Variants in SLIT3 observed in about 807,000 individuals in gnomAD.
SLIT3 encodes slit homolog 3 protein.
SLIT3 carries 68 observed loss-of-function variants against 184.0 expected under a neutral mutation model. The observed-to-expected ratio is 0.37, with a 90% CI of 0.30 to 0.45. SLIT3 has a LOEUF of 0.45. Among genes scored for constraint, SLIT3 ranks in the 20% least tolerant of loss-of-function variants. The pLI is 1.00. For synonymous variants in SLIT3, 831 were observed against 828.6 expected (o/e 1.00, Z -0.05); for missense variants, 1,707 against 2,026.0 (o/e 0.84, Z 3.02).
chr5:168,684,015 C>G lies in SLIT3; in HGVS notation c.3637G>C (p.Val1213Leu). ...CTCAGGCTGTCATAGACCAGCCGCA[C>G]GTGGCCCTGGTACAGCTCCAGTGCC... is the stretch of plus-strand genomic sequence containing the variant. The part of the protein sequence containing the change: ...PLALELYQGH[V>L]RLVYDSLSSP... Residue 1213 changes from valine to leucine, a missense_variant, in exon 32 of 36, where the codon GTG becomes CTG. Val to Leu is a conservative substitution (Grantham distance 32, BLOSUM62 1). Around this residue, in one of 3 missense-constraint regions of SLIT3, gnomAD observed 387 missense variants for 477.9 expected, o/e 0.81. Transcript: ENST00000519560. 1 of 1,605,982 alleles carries G rather than the reference C, an allele frequency of 6.2e-7. No homozygotes were observed.
At chr5:168,763,429 A>T (rs1313546085) in intron 14 of SLIT3, among the ~76,000 whole-genome samples, 1 of 152,192 alleles carries the variant, frequency 6.6e-6, no homozygotes, top group Non-Finnish European at 1.5e-5. Context: ...ATTCCAATTT[A>T]AAATGCCGCG....
At chr5:168,851,097 G>T (rs910165540) in intron 5 of SLIT3, among the ~76,000 whole-genome samples, 2 of 152,142 alleles carry the variant, frequency 1.3e-5, no homozygotes, top group East Asian at 3.9e-4. Flanking sequence ...GCCGAGGCAG[G>T]GGGATCATGA....
At position 168,753,851 on chromosome 5, in the gene SLIT3, C is replaced by T. The variant is rs1754801687; in HGVS notation, c.1829+13G>A. Reference sequence around the variant, plus strand: ...CTCTGGGTCTTGGCCCAGGCCCCACCCCAGGCACTCACAAGGTTTTGAGGC... The same window carrying T: ...CTCTGGGTCTTGGCCCAGGCCCCACTCCAGGCACTCACAAGGTTTTGAGGC... On this transcript the variant is annotated intron_variant, in intron 17 of 35. Transcript: ENST00000519560. 3 of 1,608,766 alleles carry T rather than the reference C, an allele frequency of 1.9e-6. No homozygotes were observed. The highest frequency in any genetic ancestry group is 2.2e-5 in the East Asian group (1 of 44,828).
intron 1 of SLIT3, among the ~76,000 whole-genome samples, chr5:169,296,447 C>A (rs533909867): frequency 6.6e-6 from 1 of 152,204 alleles, no homozygotes; most frequent in Admixed American, 6.5e-5. Flanking sequence ...CCACTGGAGG[C>A]GGGTCCACTC....
chr5:168,829,521 A>G (rs981013108), intron 6 of SLIT3, among the ~76,000 whole-genome samples: 1 of 152,188 alleles, frequency 6.6e-6, no homozygotes, highest in African/African-American at 2.4e-5. Context: ...CTACATAAGC[A>G]AGCTGGTTTC....
At chr5:168,696,080 G>A (rs1274285161) in intron 28 of SLIT3, among the ~76,000 whole-genome samples, 1 of 152,218 alleles carries the variant, frequency 6.6e-6, no homozygotes, top group Non-Finnish European at 1.5e-5. Flanking sequence ...TCTGTTTCAA[G>A]TGGGAAGGAG....
intron 4 of SLIT3, among the ~76,000 whole-genome samples, chr5:169,056,140 G>T (rs182839735): frequency 5.9e-5 from 9 of 152,248 alleles, no homozygotes; most frequent in Non-Finnish European, 1.3e-4. Flanking sequence ...TGGAGTGGGG[G>T]TATAAAATCT....
At chr5:168,690,227 C>T (rs963521007) in intron 29 of SLIT3, among the ~76,000 whole-genome samples, 3 of 152,024 alleles carry the variant, frequency 2.0e-5, no homozygotes, top group Non-Finnish European at 2.9e-5. Flanking sequence ...ACCTCCGCCT[C>T]CTGGGTTCAA....
rs993699644 is a variant in SLIT3 at position 168,806,205 on chromosome 5, T to C, written c.935+241A>G. Among the ~76,000 whole-genome samples, 3 of 152,158 alleles carry C rather than the reference T, an allele frequency of 2.0e-5. No homozygotes were observed. The East Asian group carries it at 5.8e-4, about 29-fold the overall frequency. On this transcript the variant is annotated intron_variant, in intron 9 of 35. Transcript: ENST00000519560. ...AGGTATTCAAAAACATTTACAAAAA[T>C]AGGCAGTGGGAACCCCTGGCCCTAG...
At chr5:168,901,314 A>C (rs1760865852) in intron 4 of SLIT3, among the ~76,000 whole-genome samples, 1 of 152,178 alleles carries the variant, frequency 6.6e-6, no homozygotes, top group African/African-American at 2.4e-5. Flanking sequence ...CAGTGAGCTG[A>C]GATGACACCA....
chr5:168,673,583 C>A (rs1020724408), intron 32 of SLIT3, among the ~76,000 whole-genome samples: 1 of 152,182 alleles, frequency 6.6e-6, no homozygotes, highest in African/African-American at 2.4e-5. Flanking sequence ...ATTTCTGAAC[C>A]ATTTAAAGGT....
At chr5:168,927,190 A>C (rs960137270) in intron 4 of SLIT3, among the ~76,000 whole-genome samples, 7 of 152,226 alleles carry the variant, frequency 4.6e-5, no homozygotes, top group African/African-American at 1.7e-4. Context: ...AGCCTTAAAA[A>C]ACAGAAGGAA....
At chr5:169,221,164 AT>A (rs1202240552) in intron 3 of SLIT3, among the ~76,000 whole-genome samples, 2 of 152,096 alleles carry the variant, frequency 1.3e-5, no homozygotes, top group African/African-American at 2.4e-5. Flanking sequence ...CTAGTTTCTG[AT>A]TTCTTTGTAT....
intron 4 of SLIT3, among the ~76,000 whole-genome samples, chr5:169,145,152 T>C (rs1372408680): frequency 6.6e-6 from 1 of 152,176 alleles, no homozygotes; most frequent in African/African-American, 2.4e-5. Flanking sequence ...ATTATGGTTG[T>C]AATTATTTTC....
intron 1 of SLIT3, among the ~76,000 whole-genome samples, chr5:169,256,184 C>T (rs1765954718): frequency 6.6e-6 from 1 of 152,052 alleles, no homozygotes; most frequent in African/African-American, 2.4e-5. Context: ...TGGTGATATA[C>T]ACCTATAGTC....
chr5:168,845,107 T>C (rs1432939280), intron 5 of SLIT3, among the ~76,000 whole-genome samples: 1 of 152,134 alleles, frequency 6.6e-6, no homozygotes, highest in Admixed American at 6.5e-5. Context: ...TTACTGGAAG[T>C]TGCAGTCTTC....
chr5:169,166,841 T>C (rs1297810189), intron 4 of SLIT3, among the ~76,000 whole-genome samples: 1 of 152,180 alleles, frequency 6.6e-6, no homozygotes, highest in African/African-American at 2.4e-5. Context: ...CCAAAGTGAC[T>C]TTCCCATGTA....
At chr5:168,762,001 C>T (rs918156149) in intron 15 of SLIT3, among the ~76,000 whole-genome samples, 2 of 147,984 alleles carry the variant, frequency 1.4e-5, no homozygotes, top group African/African-American at 2.5e-5. Context: ...GAACTCCTGG[C>T]CTCAAGTGAT....
intron 4 of SLIT3, among the ~76,000 whole-genome samples, chr5:169,157,628 A>C (rs1014281566): frequency 2.6e-5 from 4 of 152,232 alleles, no homozygotes; most frequent in Admixed American, 2.6e-4. Context: ...GTCGCACAAC[A>C]TAATACTCAA....
Sources: allele counts gnomAD v4.1 joint callset (sites outside exome capture counted in the v4.1 genomes callset), GRCh38; gene constraint gnomAD v4.1.1; regional missense constraint gnomAD v4.1.1; transcripts MANE v1.5; gene names NCBI Gene and HGNC (gene_info 2026-07-23, HGNC 2026-07-21).